The following MLIP variants were observed in gnomAD, a reference collection of about 807,000 sequenced individuals.
The protein encoded by MLIP is muscular LMNA interacting protein, also known as muscular LMNA-interacting protein.
A neutral mutation model predicts 84.8 loss-of-function variants in MLIP; 79 were observed. The ratio of observed to expected loss-of-function variants is 0.93; its 90% CI spans 0.78 to 1.12. The LOEUF is 1.12. Among genes scored for constraint, MLIP ranks in the 50% most tolerant of loss-of-function variants. The probability of loss-of-function intolerance (pLI) is 0.00; values close to 1 mark genes in which losing one functional copy is unlikely to be tolerated. For synonymous variants in MLIP, 504 were observed against 463.0 expected (o/e 1.09, Z -1.14); for missense variants, 1,257 against 1,160.6 (o/e 1.08, Z -1.21).
intron 1 of MLIP, among the ~76,000 whole-genome samples, chr6:54,047,845 T>C (rs187273106): frequency 2.0e-4 from 30 of 152,380 alleles, no homozygotes; most frequent in Admixed American, 1.9e-3. Context: ...GGCAGAGATT[T>C]TCATTGTCCC....
intron 9 of MLIP, among the ~76,000 whole-genome samples, chr6:54,175,113 G>T (rs1042344217): frequency 2.0e-5 from 3 of 151,946 alleles, no homozygotes; most frequent in Non-Finnish European, 4.4e-5. Context: ...CTATGTGTCT[G>T]TTTTTATGCC....
At chr6:54,131,276 T>A (rs1561961802) in intron 3 of MLIP, among the ~76,000 whole-genome samples, 1 of 152,164 alleles carries the variant, frequency 6.6e-6, no homozygotes, top group African/African-American at 2.4e-5. Context: ...AGAATTTATT[T>A]CCTTGAGGCT....
intron 9 of MLIP, among the ~76,000 whole-genome samples, chr6:54,170,922 CCTAAAGGTGTTT>C (rs1775705779): frequency 1.3e-5 from 2 of 151,318 alleles, no homozygotes; most frequent in South Asian, 4.2e-4. Flanking sequence ...AAGAAAGTTT[CCTAAAGGTGTTT>C]CTATACTTTT....
At chr6:54,074,545 G>A (rs1561909452) in intron 1 of MLIP, among the ~76,000 whole-genome samples, 1 of 152,116 alleles carries the variant, frequency 6.6e-6, no homozygotes, top group Non-Finnish European at 1.5e-5. Context: ...CAGCAAATAA[G>A]TGAAAATAGC....
At chr6:54,019,182 G>C in intron 1 of MLIP, 2 of 1,338,530 alleles carry the variant, frequency 1.5e-6, no homozygotes, top group Non-Finnish European at 2.1e-6. Context: ...TGTGCTAGCC[G>C]GCCTCTGTTT....
chr6:54,062,550 T>A (rs1453857304), intron 1 of MLIP, among the ~76,000 whole-genome samples: 1 of 152,144 alleles, frequency 6.6e-6, no homozygotes, highest in Non-Finnish European at 1.5e-5. Context: ...TCTGATTTAC[T>A]CGCCTTCCAT....
At chr6:54,122,276 G>T (rs1256610657) in intron 2 of MLIP, among the ~76,000 whole-genome samples, 1 of 152,038 alleles carries the variant, frequency 6.6e-6, no homozygotes. Context: ...TATACTGATG[G>T]TAATTAGATA....
intron 1 of MLIP, among the ~76,000 whole-genome samples, chr6:54,100,829 C>T (rs917042204): frequency 6.6e-6 from 1 of 152,120 alleles, no homozygotes; most frequent in Non-Finnish European, 1.5e-5. Flanking sequence ...GGCCCCAGCA[C>T]ACCTCCCAGA....
intron 1 of MLIP, among the ~76,000 whole-genome samples, chr6:54,036,245 T>C (rs1351209423): frequency 7.9e-6 from 1 of 126,274 alleles, no homozygotes; most frequent in African/African-American, 3.6e-5. Context: ...ACCACTGTTT[T>C]TTTTTTTTTT....
chr6:54,077,144 A>G (rs1366385111), intron 1 of MLIP, among the ~76,000 whole-genome samples: 5 of 152,202 alleles, frequency 3.3e-5, no homozygotes, highest in African/African-American at 1.2e-4. Flanking sequence ...CAAAACCTAA[A>G]TAATCAAGGC....
chr6:54,118,968 C>A (rs932141527), intron 1 of MLIP, among the ~76,000 whole-genome samples: 1 of 152,102 alleles, frequency 6.6e-6, no homozygotes, highest in African/African-American at 2.4e-5. Flanking sequence ...TGCTAATCAT[C>A]AGGAAAATGC....
intron 1 of MLIP, among the ~76,000 whole-genome samples, chr6:54,077,277 T>C (rs1196484957): frequency 6.6e-6 from 1 of 152,060 alleles, no homozygotes; most frequent in Non-Finnish European, 1.5e-5. Flanking sequence ...AGATAGTCAA[T>C]ATTTTAGGTT....
chr6:54,250,281 C>A (rs1475088860), intron 12 of MLIP, among the ~76,000 whole-genome samples: 1 of 151,984 alleles, frequency 6.6e-6, no homozygotes, highest in African/African-American at 2.4e-5. Flanking sequence ...ATTAGTTCGA[C>A]CATGTGGAAG....
At chr6:54,034,904 T>C (rs940612575) in intron 1 of MLIP, among the ~76,000 whole-genome samples, 10 of 152,162 alleles carry the variant, frequency 6.6e-5, no homozygotes, top group African/African-American at 2.4e-4. Context: ...AAATGCCCTA[T>C]ACAGGTGTGC....
intron 1 of MLIP, among the ~76,000 whole-genome samples, chr6:54,082,477 C>G (rs1201176820): frequency 6.6e-6 from 1 of 152,194 alleles, no homozygotes; most frequent in African/African-American, 2.4e-5. Context: ...CCTCCCCTAA[C>G]ACTTGGGGAT....
At chr6:54,111,404 T>G (rs1769450847), upstream of MLIP, 2 of 1,525,068 alleles carry the variant, frequency 1.3e-6, no homozygotes, top group Non-Finnish European at 1.8e-6. Flanking sequence ...TGCGTGAGTG[T>G]GTGTGTGTTG....
intron 9 of MLIP, among the ~76,000 whole-genome samples, chr6:54,180,535 G>A (rs1471857411): frequency 6.6e-6 from 1 of 151,634 alleles, no homozygotes; most frequent in Non-Finnish European, 1.5e-5. Context: ...ATTCTTTTTT[G>A]TCTCCTCTGA....
upstream of MLIP, among the ~76,000 whole-genome samples, chr6:54,109,978 G>T (rs1347508623): frequency 0.02 from 160 of 7,896 alleles, no homozygotes; most frequent in Non-Finnish European, 0.023. Flanking sequence ...CCTTCCTTTC[G>T]TTTTTTCTTT....
intron 9 of MLIP, among the ~76,000 whole-genome samples, chr6:54,185,353 T>C (rs1264682933): frequency 6.6e-6 from 1 of 152,166 alleles, no homozygotes; most frequent in African/African-American, 2.4e-5. Flanking sequence ...TTGCACTTTC[T>C]CTGGGAAGTT....
Sources: allele counts gnomAD v4.1 joint callset (sites outside exome capture counted in the v4.1 genomes callset), GRCh38; gene constraint gnomAD v4.1.1; transcripts MANE v1.5; gene names NCBI Gene and HGNC (gene_info 2026-07-23, HGNC 2026-07-21).